The following PAX2 variants were observed in gnomAD, a reference collection of about 807,000 sequenced individuals.
PAX2 encodes paired box 2.
A neutral mutation model predicts 41.7 loss-of-function variants in PAX2; 9 were observed. That is an observed-to-expected ratio of 0.22 (90% CI 0.13 to 0.38). The LOEUF (loss-of-function observed/expected upper bound fraction) is 0.38. Ranked by LOEUF, PAX2 falls within the 10% of genes least tolerant of loss-of-function variation. The probability of loss-of-function intolerance (pLI) is 1.00; values close to 1 mark genes in which losing one functional copy is unlikely to be tolerated. For synonymous variants in PAX2, 221 were observed against 212.7 expected (o/e 1.04, Z -0.34); for missense variants, 418 against 531.6 (o/e 0.79, Z 2.10).
chr10:100,742,404 G>A (rs1028879902), upstream of PAX2, among the ~76,000 whole-genome samples: 5 of 152,058 alleles, frequency 3.3e-5, no homozygotes, highest in African/African-American at 4.8e-5. Context: ...GAGCAGGCGC[G>A]GCCCAGCCAG....
intron 5 of PAX2, among the ~76,000 whole-genome samples, chr10:100,790,998 C>T (rs1368913537): frequency 6.6e-6 from 1 of 152,232 alleles, no homozygotes; most frequent in Non-Finnish European, 1.5e-5. Flanking sequence ...GAACCTGAAC[C>T]TGCTGACCTT....
chr10:100,800,984 C>A (rs886508688), intron 5 of PAX2, among the ~76,000 whole-genome samples: 6 of 152,186 alleles, frequency 3.9e-5, no homozygotes, highest in Admixed American at 3.3e-4. Context: ...CCACTGTCAC[C>A]ATGCCGGCAG....
chr10:100,797,257 A>G (rs1405047583), intron 5 of PAX2, among the ~76,000 whole-genome samples: 1 of 152,234 alleles, frequency 6.6e-6, no homozygotes, highest in Non-Finnish European at 1.5e-5. Context: ...AAGAGATTCT[A>G]AATTTGGCTC....
rs539384516 is a variant in PAX2, at chr10:100,759,256, G to A, written c.410+8365G>A. On this transcript the variant is annotated intron_variant, in intron 3 of 9. Coordinates refer to ENST00000355243, the MANE Select transcript of PAX2 (RefSeq NM_000278.5). ...GGGCCCAGAGGTGATGAAGGAGAAA[G>A]GGGAAGAGGAAGGTAAGCAGGTTTC... Among the ~76,000 whole-genome samples the A allele has an allele frequency of 9.8e-5, 15 of 152,308 alleles. No individual in the cohort carries two copies. The South Asian group carries it at 2.3e-3, about 23-fold the overall frequency.
chr10:100,821,347 C>A (rs753877557), intron 7 of PAX2, among the ~76,000 whole-genome samples: 5 of 152,204 alleles, frequency 3.3e-5, no homozygotes, highest in Non-Finnish European at 4.4e-5. Context: ...CAGGGTACTC[C>A]TTTGTGGAGA....
At chr10:100,823,837 T>G (rs1050097816) in intron 7 of PAX2, among the ~76,000 whole-genome samples, 1 of 152,096 alleles carries the variant, frequency 6.6e-6, no homozygotes, top group Non-Finnish European at 1.5e-5. Flanking sequence ...GACATGTCGG[T>G]GGACCAGGGG....
chr10:100,772,054 C>T (rs1450201584), intron 3 of PAX2, among the ~76,000 whole-genome samples: 3 of 151,726 alleles, frequency 2.0e-5, no homozygotes, highest in Non-Finnish European at 2.9e-5. Context: ...ATTCACTTGC[C>T]TCGGCCTCCC....
In PAX2 at chr10:100,749,410, G is replaced by T. The variant is rs1283094849; in HGVS notation, c.44-336G>T. On this transcript the variant is annotated intron_variant, in intron 1 of 9. Coordinates refer to ENST00000355243, the MANE Select transcript of PAX2 (RefSeq NM_000278.5). ...GCCCTTCCTCTCCTCGCTTTCTTAC[G>T]CCCTTTCCGCTGGCATGAATTCCCC... 4.4e-6 allele frequency: 5 copies of T among 1,140,670 alleles called. No individual in the cohort carries two copies. The Admixed American group carries it at 1.4e-4, about 33-fold the overall frequency. 70.7% of individuals were successfully genotyped at this position (1,140,670 alleles called of 1,614,324 possible).
intron 7 of PAX2, among the ~76,000 whole-genome samples, chr10:100,820,129 T>C (rs1322823360): frequency 6.6e-6 from 1 of 152,258 alleles, no homozygotes; most frequent in Non-Finnish European, 1.5e-5. Flanking sequence ...TGGAGTTTTA[T>C]TATAGACTTT....
intron 3 of PAX2, among the ~76,000 whole-genome samples, chr10:100,769,663 ATAAAATAAAAAAAT>A (rs1392461845): frequency 2.7e-5 from 4 of 148,712 alleles, no homozygotes; most frequent in Non-Finnish European, 5.9e-5. Flanking sequence ...ATAAAATAAA[ATAAAATAAAAAAAT>A]AAAAAACAAA....
chr10:100,788,125 T>C (rs1436865762), intron 5 of PAX2, among the ~76,000 whole-genome samples: 2 of 152,290 alleles, frequency 1.3e-5, no homozygotes, highest in Middle Eastern at 3.4e-3. Context: ...CTCTCTCACA[T>C]GGATGTGCAA....
At chr10:100,812,396 A>T (rs1848023514) in intron 7 of PAX2, among the ~76,000 whole-genome samples, 1 of 152,140 alleles carries the variant, frequency 6.6e-6, no homozygotes, top group Non-Finnish European at 1.5e-5. Flanking sequence ...CTCCTAAGTG[A>T]TAAAGAAAGA....
At chr10:100,806,383 C>T (rs1166853911) in intron 5 of PAX2, 47 bp from the exon 6 acceptor site, 1 of 1,601,172 alleles carries the variant, frequency 6.2e-7, no homozygotes, top group Non-Finnish European at 8.6e-7. Context: ...GTTCCTGTGC[C>T]TCTGCTGGCC....
chr10:100,746,983 G>GCCTTC (rs1377800496), intron 1 of PAX2: 5 of 152,018 alleles, frequency 3.3e-5, no homozygotes, highest in African/African-American at 7.3e-5. Flanking sequence ...CCCTTCCCTT[G>GCCTTC]CCTTCCCTTC....
At chr10:100,818,530 A>AT (rs533261432) in intron 7 of PAX2, among the ~76,000 whole-genome samples, 65 of 152,322 alleles carry the variant, frequency 4.3e-4, no homozygotes, top group South Asian at 8.3e-4. Flanking sequence ...TTTAAGCCAT[A>AT]TTTTTTGAGA....
Position 100,745,822 on chromosome 10 carries a change from C to A in PAX2, c.-439C>A. The A allele has an allele frequency of 2.7e-6, 3 of 1,099,534 alleles. No individual in the cohort carries two copies. Among genetic ancestry groups the A allele is most frequent in the Non-Finnish European group, 3.3e-6 (3 of 902,990 alleles). 68.1% of individuals were successfully genotyped at this position (1,099,534 alleles called of 1,614,324 possible). On this transcript the variant is annotated 5_prime_UTR_variant, in exon 1 of 10. Coordinates refer to ENST00000355243, the MANE Select transcript of PAX2 (RefSeq NM_000278.5). ...CGCCAGCACTTGGAGAGGCCCGGCT[C>A]CCCTCCCGGCGCCCTCTGACCGCCC... is the stretch of plus-strand genomic sequence containing the variant.
intron 6 of PAX2, 115 bp downstream of exon 6, chr10:100,806,720 G>A (rs996851023): frequency 2.2e-5 from 19 of 874,100 alleles, no homozygotes; most frequent in South Asian, 1.3e-4. Flanking sequence ...TGTTACACAC[G>A]TGTGTTCTGT....
chr10:100,818,341 C>T (rs764638857), intron 7 of PAX2, among the ~76,000 whole-genome samples: 2 of 152,216 alleles, frequency 1.3e-5, no homozygotes, highest in Non-Finnish European at 2.9e-5. Flanking sequence ...TTTCCTTGAT[C>T]TTCTGAATGC....
intron 4 of PAX2, 106 bp from the exon 5 acceptor site, chr10:100,781,140 C>T (rs1201482771): frequency 8.8e-7 from 1 of 1,140,604 alleles, no homozygotes; most frequent in Non-Finnish European, 1.3e-6. Flanking sequence ...CCTCATCCCT[C>T]CTTATGTCCT....
Sources: allele counts gnomAD v4.1 joint callset (sites outside exome capture counted in the v4.1 genomes callset), GRCh38; gene constraint gnomAD v4.1.1; transcripts MANE v1.5; gene names NCBI Gene and HGNC (gene_info 2026-07-23, HGNC 2026-07-21).